CPNE4: variants seen among roughly 807,000 people sequenced by gnomAD.
CPNE4 encodes the protein copine-4.
CPNE4 carries 25 observed loss-of-function variants against 67.9 expected under a neutral mutation model. The observed-to-expected ratio is 0.37, with a 90% CI of 0.27 to 0.51. The LOEUF (loss-of-function observed/expected upper bound fraction) is 0.51. CPNE4 is among the 20% of genes least tolerant of loss of function. CPNE4 has a pLI of 0.93. For missense variants in CPNE4, 464 were observed against 690.8 expected, an observed-to-expected ratio of 0.67 and a Z score of 3.68; for synonymous variants, 242 against 244.9, an observed-to-expected ratio of 0.99 and a Z score of 0.11.
chr3:132,030,823 A>T (rs2074220504), intron 1 of CPNE4, among the ~76,000 whole-genome samples: 1 of 152,226 alleles, frequency 6.6e-6, no homozygotes, highest in African/African-American at 2.4e-5. Context: ...GTAGGCACTA[A>T]TATGTTTTTA....
At chr3:131,808,270 A>G (rs2084394597) in intron 2 of CPNE4, among the ~76,000 whole-genome samples, 1 of 152,234 alleles carries the variant, frequency 6.6e-6, no homozygotes, top group Non-Finnish European at 1.5e-5. Flanking sequence ...ACAGAATTAG[A>G]CTGAAAAATG....
intron 1 of CPNE4, among the ~76,000 whole-genome samples, chr3:131,975,875 A>T (rs1436968109): frequency 6.6e-6 from 1 of 152,186 alleles, no homozygotes; most frequent in African/African-American, 2.4e-5. Flanking sequence ...GATGACCATC[A>T]CATCATGGCT....
intron 11 of CPNE4, among the ~76,000 whole-genome samples, chr3:131,563,903 T>C (rs1173623836): frequency 6.6e-6 from 1 of 152,018 alleles, no homozygotes; most frequent in Non-Finnish European, 1.5e-5. Context: ...TTCAGTAGGT[T>C]AAGAATGCTG....
intron 7 of CPNE4, among the ~76,000 whole-genome samples, chr3:131,593,086 C>T (rs1350698565): frequency 6.6e-6 from 1 of 152,208 alleles, no homozygotes; most frequent in Non-Finnish European, 1.5e-5. Flanking sequence ...AATCAAACAA[C>T]AATCATCTAT....
intron 2 of CPNE4, among the ~76,000 whole-genome samples, chr3:131,789,179 T>C (rs2083647070): frequency 6.6e-6 from 1 of 152,138 alleles, no homozygotes; most frequent in South Asian, 2.1e-4. Context: ...GTCAAAATAC[T>C]TAAGATAATG....
chr3:131,694,751 T>C (rs1181706504), intron 5 of CPNE4, among the ~76,000 whole-genome samples: 1 of 152,220 alleles, frequency 6.6e-6, no homozygotes, highest in Non-Finnish European at 1.5e-5. Context: ...AGCCATCTCA[T>C]GTGCGAGGCA....
At chr3:131,778,163 T>C (rs16837829) in intron 2 of CPNE4, among the ~76,000 whole-genome samples, 6,351 of 152,230 alleles carry the variant, frequency 0.042, 155 homozygotes, top group African/African-American at 0.058. Context: ...AGGTTTCTTT[T>C]TGTCCATTGG....
intron 13 of CPNE4, among the ~76,000 whole-genome samples, chr3:131,552,001 C>T (rs1311488304): frequency 2.0e-5 from 3 of 149,342 alleles, no homozygotes; most frequent in South Asian, 2.1e-4. Context: ...GCCGATATGC[C>T]GAAAGTGGGA....
upstream of CPNE4, among the ~76,000 whole-genome samples, chr3:132,036,447 A>T (rs1160989251): frequency 6.6e-6 from 1 of 152,242 alleles, no homozygotes; most frequent in Non-Finnish European, 1.5e-5. Context: ...ACAATTCTCC[A>T]AGGGATATTC....
rs188842773 is a variant in CPNE4, at chr3:132,012,055, T to C, written c.-2+22512A>G. 1.2e-3 allele frequency among the ~76,000 whole-genome samples: 176 copies of C among 152,180 alleles called. 1 individual carries two copies. Among genetic ancestry groups the C allele is most frequent in the African/African-American group, 3.8e-3 (159 of 41,522 alleles). ...TACATTTTTTAGGCTTTGGGGCCCA[T>C]ATGGTCCCTGTCACAACTATTCAAT... On this transcript the variant is annotated intron_variant, in intron 1 of 15. Transcript: ENST00000429747.
chr3:131,982,284 T>C (rs1486652734), intron 1 of CPNE4, among the ~76,000 whole-genome samples: 1 of 152,214 alleles, frequency 6.6e-6, no homozygotes, highest in Non-Finnish European at 1.5e-5. Context: ...AATTTATGTA[T>C]ATAATTCAGT....
intron 1 of CPNE4, among the ~76,000 whole-genome samples, chr3:131,983,901 G>A (rs2072973507): frequency 6.6e-6 from 1 of 152,166 alleles, no homozygotes; most frequent in Non-Finnish European, 1.5e-5. Flanking sequence ...GAGTCACTGT[G>A]TCTTCAAATC....
At chr3:131,935,608 C>T (rs749269249) in intron 1 of CPNE4, among the ~76,000 whole-genome samples, 5 of 152,022 alleles carry the variant, frequency 3.3e-5, no homozygotes, top group Non-Finnish European at 5.9e-5. Flanking sequence ...TAGCAGAAGG[C>T]AAGGGGCTAA....
chr3:131,776,665 T>C (rs763611745), intron 2 of CPNE4, among the ~76,000 whole-genome samples: 13 of 152,124 alleles, frequency 8.5e-5, no homozygotes, highest in Non-Finnish European at 1.8e-4. Flanking sequence ...ACTGCTTAGA[T>C]TGGAAACAAT....
intron 1 of CPNE4, among the ~76,000 whole-genome samples, chr3:131,922,126 T>C (rs2070753443): frequency 6.6e-6 from 1 of 152,166 alleles, no homozygotes; most frequent in South Asian, 2.1e-4. Flanking sequence ...TTTACGTACA[T>C]GAGTACCCAG....
intron 11 of CPNE4, among the ~76,000 whole-genome samples, chr3:131,563,818 T>C (rs1936915711): frequency 6.6e-6 from 1 of 152,070 alleles, no homozygotes; most frequent in Non-Finnish European, 1.5e-5. Context: ...TGTAATAATG[T>C]CTAATAGACC....
At chr3:132,033,405 CTGTGTGTGTG>C (rs59853721) in intron 1 of CPNE4, among the ~76,000 whole-genome samples, 4 of 150,732 alleles carry the variant, frequency 2.7e-5, no homozygotes, top group Non-Finnish European at 5.9e-5. Flanking sequence ...GTGTGTGTGT[CTGTGTGTGTG>C]TGTGTGTGTG....
chr3:131,980,923 C>T (rs150299112), intron 1 of CPNE4, among the ~76,000 whole-genome samples: 266 of 152,260 alleles, frequency 1.7e-3, no homozygotes, highest in Middle Eastern at 3.4e-3. Flanking sequence ...CCTATGGATG[C>T]GGCTTCCTGT....
chr3:131,958,105 T>C (rs1468810131), intron 1 of CPNE4, among the ~76,000 whole-genome samples: 1 of 152,224 alleles, frequency 6.6e-6, no homozygotes, highest in East Asian at 1.9e-4. Context: ...GGCAGTGTAA[T>C]GTAATAAGAA....
Sources: gnomAD v4.1 joint callset for allele counts (sites outside exome capture counted in the v4.1 genomes callset) on GRCh38, gnomAD v4.1.1 for gene constraint, MANE v1.5 for transcripts, NCBI Gene and HGNC (gene_info 2026-07-23, HGNC 2026-07-21) for gene names.